Variants in TECPR2 observed in about 807,000 individuals in gnomAD.
The protein encoded by TECPR2 is tectonin beta-propeller repeat containing 2, also known as tectonin beta-propeller repeat-containing protein 2.
TECPR2 carries 65 observed loss-of-function variants against 138.1 expected under a neutral mutation model. The ratio of observed to expected loss-of-function variants is 0.47; its 90% CI spans 0.39 to 0.58. The LOEUF is 0.58. Ranked by LOEUF, TECPR2 falls within the 20% of genes least tolerant of loss-of-function variation. The probability of loss-of-function intolerance (pLI) is 0.00; values close to 1 mark genes in which losing one functional copy is unlikely to be tolerated. For missense variants in TECPR2, 1,553 were observed against 1,824.5 expected, an observed-to-expected ratio of 0.85 and a Z score of 2.71; for synonymous variants, 746 against 749.8, an observed-to-expected ratio of 0.99 and a Z score of 0.08.
chr14:102,490,950 A>G (rs1006827635), intron 17 of TECPR2, among the ~76,000 whole-genome samples: 1 of 151,906 alleles, frequency 6.6e-6, no homozygotes, highest in African/African-American at 2.4e-5. Context: ...GCTGGAGTGC[A>G]ATGTCACGAT....
chr14:102,496,741 G>GTCCATGCTGGTA (rs1228819934), intron 17 of TECPR2: 24 of 567,466 alleles, frequency 4.2e-5, no homozygotes, highest in Non-Finnish European at 7.1e-5. Flanking sequence ...TCCTGCTGGA[G>GTCCATGCTGGTA]TCCATGCTGG....
intron 17 of TECPR2, among the ~76,000 whole-genome samples, chr14:102,486,067 C>T (rs1052577844): frequency 1.2e-4 from 19 of 152,158 alleles, no homozygotes; most frequent in African/African-American, 4.6e-4. Flanking sequence ...TTCTTTAGCG[C>T]ACCCCCTACA....
At chr14:102,435,925 T>C (rs1469737804) in intron 9 of TECPR2, among the ~76,000 whole-genome samples, 3 of 152,240 alleles carry the variant, frequency 2.0e-5, no homozygotes, top group Non-Finnish European at 4.4e-5. Flanking sequence ...TGTCTCCTAC[T>C]AACTGTCGAT....
chr14:102,497,684 G>A lies in TECPR2; in HGVS notation c.4046G>A (p.Trp1349Ter). ...GACAAGAACCCCGCCGGGGACTACT[G>A]GAAGAAAATTCCCGGCAGCGTGTCG... ...VTDKNPAGDY[W>*]KKIPGSVSCF... is the part of the protein sequence containing the mutation. The change falls in exon 19 of 20, where the codon TGG becomes TAG. Residue 1349 changes from tryptophan to a stop codon, truncating the protein, a stop_gained. Coordinates refer to ENST00000359520, the MANE Select transcript of TECPR2 (RefSeq NM_014844.5). LOFTEE classifies it high-confidence loss of function. The A allele has an allele frequency of 6.2e-7, 1 of 1,609,388 alleles. No individual in the cohort carries two copies. The highest frequency in any genetic ancestry group is 8.5e-7 in the Non-Finnish European group (1 of 1,178,312).
Position 102,458,650 on chromosome 14 carries a change from G to A in TECPR2, c.3640+6023G>A, listed in dbSNP as rs151212505. ...TCTTGAACTCCTGCCCTTCCCTAATGTGTGGTGCATGTTCATGCCACCCAT... is the reference window on the plus strand; with the variant it reads ...TCTTGAACTCCTGCCCTTCCCTAATATGTGGTGCATGTTCATGCCACCCAT... On this transcript the variant is annotated intron_variant, in intron 16 of 19. Coordinates refer to ENST00000359520, the MANE Select transcript of TECPR2 (RefSeq NM_014844.5). Among the ~76,000 whole-genome samples the A allele has an allele frequency of 3.4e-3, 511 of 152,172 alleles. 2 individuals are homozygous for A. The highest frequency in any genetic ancestry group is 0.011 in the African/African-American group (459 of 41,516).
At chr14:102,479,109 A>G (rs1595145402) in intron 17 of TECPR2, among the ~76,000 whole-genome samples, 1 of 152,126 alleles carries the variant, frequency 6.6e-6, no homozygotes, top group African/African-American at 2.4e-5. Flanking sequence ...AAGAAGAGCG[A>G]GGCAGGAGGT....
intron 17 of TECPR2, among the ~76,000 whole-genome samples, chr14:102,481,546 T>C (rs529994434): frequency 6.6e-6 from 1 of 152,312 alleles, no homozygotes; most frequent in East Asian, 1.9e-4. Flanking sequence ...GGAGGATCAC[T>C]GGAGACCAGG....
chr14:102,376,092 G>A (rs192859745), intron 1 of TECPR2, among the ~76,000 whole-genome samples: 19 of 152,284 alleles, frequency 1.2e-4, no homozygotes, highest in Non-Finnish European at 2.1e-4. Context: ...ATCCAACCAG[G>A]CCAGGGCACC....
intron 2 of TECPR2, among the ~76,000 whole-genome samples, chr14:102,406,419 G>A (rs1006331670): frequency 3.3e-5 from 5 of 152,112 alleles, no homozygotes; most frequent in South Asian, 4.1e-4. Flanking sequence ...GGTGGCGGGC[G>A]CCTGTGGTCC....
At chr14:102,391,925 A>G (rs1405308223) in intron 2 of TECPR2, among the ~76,000 whole-genome samples, 4 of 152,148 alleles carry the variant, frequency 2.6e-5, no homozygotes, top group Non-Finnish European at 5.9e-5. Flanking sequence ...CTCTGAAGAT[A>G]CCACTTTTCA....
intron 1 of TECPR2, among the ~76,000 whole-genome samples, chr14:102,368,258 G>A (rs1437555029): frequency 1.3e-5 from 2 of 151,882 alleles, no homozygotes; most frequent in South Asian, 2.1e-4. Flanking sequence ...ATCCACCTGC[G>A]TTGGCCTCCC....
At chr14:102,438,353 G>C in intron 10 of TECPR2, 148 bp downstream of exon 10, 1 of 1,034,174 alleles carries the variant, frequency 9.7e-7, no homozygotes, top group East Asian at 2.7e-5. Context: ...TGCCTCTTCA[G>C]GAACGTTTGA....
chr14:102,436,078 T>C, intron 9 of TECPR2, among the ~76,000 whole-genome samples: 1 of 152,184 alleles, frequency 6.6e-6, no homozygotes, highest in East Asian at 1.9e-4. Flanking sequence ...GAGGTTTAAC[T>C]CTTTTACTTC....
chr14:102,470,513 G>A (rs1163948547), intron 17 of TECPR2, among the ~76,000 whole-genome samples: 2 of 151,688 alleles, frequency 1.3e-5, no homozygotes, highest in African/African-American at 4.8e-5. Flanking sequence ...TCACCATGTT[G>A]GCCAGGCTTG....
intron 17 of TECPR2, among the ~76,000 whole-genome samples, chr14:102,492,806 CT>C (rs1311628106): frequency 6.6e-6 from 1 of 152,238 alleles, no homozygotes; most frequent in African/African-American, 2.4e-5. Context: ...CAGGGTGAGG[CT>C]GGGCCCCGCT....
chr14:102,498,956 ACACCT>A lies in TECPR2; in HGVS notation c.*704_*708del, dbSNP rs1208548460. On this transcript the variant is annotated 3_prime_UTR_variant, in exon 20 of 20. Coordinates refer to ENST00000359520, the MANE Select transcript of TECPR2 (RefSeq NM_014844.5). ...TCACCACATCTCACCACACCACAGCACACCTCACCACACAACACACCACACCCCAC... is the reference window on the plus strand; with the variant it reads ...TCACCACATCTCACCACACCACAGCACACCACACAACACACCACACCCCAC... 1 of 696,088 alleles carries A rather than the reference ACACCT, an allele frequency of 1.4e-6. No individual in the cohort carries two copies. Among genetic ancestry groups the A allele is most frequent in the South Asian group, 1.5e-5 (1 of 66,636 alleles). The allele number at this position is 696,088 out of a possible 1,614,324, so 43.1% of individuals were successfully genotyped here.
intron 17 of TECPR2, among the ~76,000 whole-genome samples, chr14:102,469,285 T>TAG (rs1227389571): frequency 2.6e-5 from 4 of 152,360 alleles, no homozygotes; most frequent in Non-Finnish European, 5.9e-5. Flanking sequence ...GAGTATATGT[T>TAG]TTATACTGCT....
At chr14:102,481,864 G>C (rs1890900857) in intron 17 of TECPR2, among the ~76,000 whole-genome samples, 1 of 150,056 alleles carries the variant, frequency 6.7e-6, no homozygotes, top group Admixed American at 6.6e-5. Context: ...CATTCCCCCA[G>C]CCACCCACCT....
At chr14:102,440,242 G>T (rs1469122851) in intron 10 of TECPR2, among the ~76,000 whole-genome samples, 194 bp from the exon 11 acceptor site, 3 of 152,202 alleles carry the variant, frequency 2.0e-5, no homozygotes, top group Admixed American at 6.5e-5. Flanking sequence ...GTGACATGGA[G>T]CCTGAAGCTG....
Sources: gnomAD v4.1 joint callset for allele counts (sites outside exome capture counted in the v4.1 genomes callset) on GRCh38, gnomAD v4.1.1 for gene constraint, MANE v1.5 for transcripts, NCBI Gene and HGNC (gene_info 2026-07-23, HGNC 2026-07-21) for gene names.